Variants in TMED6 observed in about 807,000 individuals in gnomAD.
The protein encoded by TMED6 is transmembrane p24 trafficking protein 6.
In TMED6, 17 loss-of-function variants were observed where a neutral mutation model predicts 26.5. That is an observed-to-expected ratio of 0.64 (90% CI 0.44 to 0.96). The LOEUF (loss-of-function observed/expected upper bound fraction) is 0.96. Among genes scored for constraint, TMED6 ranks in the 40% least tolerant of loss-of-function variants. TMED6 has a pLI of 0.00. For missense variants in TMED6, 309 were observed against 296.5 expected (o/e 1.04, Z -0.31); for synonymous variants, 107 against 106.2 (o/e 1.01, Z -0.04).
intron 1 of TMED6, among the ~76,000 whole-genome samples, chr16:69,350,000 G>A (rs1414638789): frequency 6.6e-6 from 1 of 152,086 alleles, no homozygotes; most frequent in Non-Finnish European, 1.5e-5. Flanking sequence ...GGCCGGGCGC[G>A]GTGGCTCACG....
intron 3 of TMED6, among the ~76,000 whole-genome samples, chr16:69,347,084 T>C (rs2012697923): frequency 6.6e-6 from 1 of 151,962 alleles, no homozygotes; most frequent in African/African-American, 2.4e-5. Context: ...AGTAGAACAG[T>C]GATAGGCAGG....
chr16:69,349,377 G>A (rs2012739672), intron 2 of TMED6, 148 bp downstream of exon 2: 22 of 969,152 alleles, frequency 2.3e-5, no homozygotes, highest in Non-Finnish European at 3.3e-5. Flanking sequence ...CATCCTTGGA[G>A]GTCAGCAGCC....
intron 3 of TMED6, among the ~76,000 whole-genome samples, 163 bp downstream of exon 3, chr16:69,347,625 G>A (rs988084307): frequency 9.2e-5 from 14 of 152,268 alleles, no homozygotes; most frequent in African/African-American, 3.4e-4. Context: ...CTCCCAAAGT[G>A]CTGGGATTAC....
chr16:69,344,412 T>A (rs1402664018), intron 3 of TMED6, among the ~76,000 whole-genome samples: 1 of 152,070 alleles, frequency 6.6e-6, no homozygotes, highest in Non-Finnish European at 1.5e-5. Flanking sequence ...CATGGCTGTG[T>A]TTCAAGAAAA....
At chr16:69,344,644 A>C (rs1310406553) in intron 3 of TMED6, among the ~76,000 whole-genome samples, 3 of 147,940 alleles carry the variant, frequency 2.0e-5, no homozygotes, top group East Asian at 2.0e-4. Context: ...GTGGTGGCAC[A>C]CGCCTGTAAT....
chr16:69,344,636 GGTGGCA>G (rs2012652512), intron 3 of TMED6, among the ~76,000 whole-genome samples: 2 of 151,774 alleles, frequency 1.3e-5, no homozygotes, highest in Admixed American at 1.3e-4. Context: ...AGCCAGGTGT[GGTGGCA>G]CACGCCTGTA....
In TMED6 at chr16:69,350,109, A is replaced by T. The variant is rs184128756; in HGVS notation, c.214-458T>A. On this transcript the variant is annotated intron_variant, in intron 1 of 3. Coordinates refer to ENST00000288025, the MANE Select transcript of TMED6 (RefSeq NM_144676.4). ...ACATGGTGAAACCCTGTCTCTACTT[A>T]AAAAATACAAAAATTAGCCTGGCAT... 4.0e-3 allele frequency among the ~76,000 whole-genome samples: 608 copies of T among 151,752 alleles called. 8 individuals carry two copies. Among genetic ancestry groups the T allele is most frequent in the African/African-American group, 0.013 (536 of 41,416 alleles).
intron 2 of TMED6, among the ~76,000 whole-genome samples, chr16:69,349,096 G>A (rs754233897): frequency 5.3e-5 from 8 of 152,228 alleles, no homozygotes; most frequent in Non-Finnish European, 1.0e-4. Context: ...GCTGTGGAGT[G>A]TGGATATCTC....
intron 3 of TMED6, 34 bp from the exon 4 acceptor site, chr16:69,343,674 C>G: frequency 6.3e-7 from 1 of 1,577,466 alleles, no homozygotes; most frequent in Non-Finnish European, 8.7e-7. Context: ...GGGATTCTTC[C>G]AAACCCCCAT....
intron 3 of TMED6, among the ~76,000 whole-genome samples, chr16:69,346,617 A>C (rs1242397400): frequency 6.6e-6 from 1 of 152,120 alleles, no homozygotes; most frequent in Non-Finnish European, 1.5e-5. Flanking sequence ...TGCAAAAATT[A>C]GCCGGGCATG....
At chr16:69,351,423 G>A (rs993831893) in intron 1 of TMED6, 118 bp downstream of exon 1, 3 of 887,924 alleles carry the variant, frequency 3.4e-6, no homozygotes, top group Admixed American at 2.6e-5. Context: ...TTCATTAACA[G>A]GTGGGGAATC....
chr16:69,350,524 T>A (rs1348456294), intron 1 of TMED6, among the ~76,000 whole-genome samples: 1 of 152,112 alleles, frequency 6.6e-6, no homozygotes, highest in Non-Finnish European at 1.5e-5. Context: ...GGTCTCGAAC[T>A]CCTGACCTCA....
intron 3 of TMED6, among the ~76,000 whole-genome samples, chr16:69,346,804 T>C (rs1374732962): frequency 6.6e-6 from 1 of 152,148 alleles, no homozygotes; most frequent in Non-Finnish European, 1.5e-5. Flanking sequence ...TACTGTGTGA[T>C]TCCATTTAAA....
chr16:69,347,774 A>T lies in TMED6; in HGVS notation c.489+14T>A. ...TTTCCACAGATGTTTCTCTTCCACAAAACACTTCCTTACCTCAATTGCATC... is the reference window on the plus strand; with the variant it reads ...TTTCCACAGATGTTTCTCTTCCACATAACACTTCCTTACCTCAATTGCATC... On this transcript the variant is annotated intron_variant, in intron 3 of 3. Transcript: ENST00000288025. 4 of 1,613,502 alleles carry T rather than the reference A, an allele frequency of 2.5e-6. No individual in the cohort carries two copies. In the South Asian group the frequency reaches 4.4e-5, roughly 18 times the overall value.
At chr16:69,346,126 T>C (rs1209424002) in intron 3 of TMED6, among the ~76,000 whole-genome samples, 1 of 152,212 alleles carries the variant, frequency 6.6e-6, no homozygotes, top group Non-Finnish European at 1.5e-5. Flanking sequence ...AGGATGACTG[T>C]AACAAAAAAT....
At position 69,347,787 on chromosome 16, in the gene TMED6, C is replaced by T. The variant is rs2012708563; in HGVS notation, c.489+1G>A. The T allele has an allele frequency of 1.2e-6, 2 of 1,613,946 alleles. No homozygotes were observed. Among genetic ancestry groups the T allele is most frequent in the African/African-American group, 2.7e-5 (2 of 74,928 alleles). ...TTCTCTTCCACAAAACACTTCCTTACCTCAATTGCATCCAGAGTATCATTC... is the reference window on the plus strand; with the variant it reads ...TTCTCTTCCACAAAACACTTCCTTATCTCAATTGCATCCAGAGTATCATTC... On this transcript the variant is annotated splice_donor_variant, in intron 3 of 3. Coordinates refer to ENST00000288025, the MANE Select transcript of TMED6 (RefSeq NM_144676.4). LOFTEE classifies it high-confidence loss of function.
chr16:69,347,187 C>T (rs1037362415), intron 3 of TMED6, among the ~76,000 whole-genome samples: 1 of 152,086 alleles, frequency 6.6e-6, no homozygotes, highest in Non-Finnish European at 1.5e-5. Flanking sequence ...CTGATAGTTG[C>T]ACAGCCTTGT....
intron 3 of TMED6, among the ~76,000 whole-genome samples, chr16:69,344,810 C>T (rs910055902): frequency 4.6e-5 from 7 of 151,662 alleles, no homozygotes; most frequent in South Asian, 2.1e-4. Context: ...GAAAAGTGGC[C>T]GGGCACGGTG....
intron 3 of TMED6, among the ~76,000 whole-genome samples, chr16:69,347,246 T>C (rs970553912): frequency 1.3e-5 from 2 of 152,144 alleles, no homozygotes; most frequent in Non-Finnish European, 2.9e-5. Flanking sequence ...TGGTGTACGG[T>C]GTATGAATTA....
Sources: gnomAD v4.1 joint callset for allele counts (sites outside exome capture counted in the v4.1 genomes callset) on GRCh38, gnomAD v4.1.1 for gene constraint, MANE v1.5 for transcripts, NCBI Gene and HGNC (gene_info 2026-07-23, HGNC 2026-07-21) for gene names.